Variants in ODAD2 observed in about 807,000 individuals in gnomAD.
ODAD2 encodes the protein outer dynein arm-docking complex subunit 2.
A neutral mutation model predicts 106.8 loss-of-function variants in ODAD2; 89 were observed. The observed-to-expected ratio is 0.83, with a 90% confidence interval of 0.70 to 0.99. The LOEUF (loss-of-function observed/expected upper bound fraction) is 0.99, where lower values mean the gene tolerates loss of function less well. Among genes scored for constraint, ODAD2 ranks in the 50% least tolerant of loss-of-function variants. The pLI is 0.00. For missense variants in ODAD2, 1,168 were observed against 1,238.5 expected (o/e 0.94, Z 0.85); for synonymous variants, 404 against 436.2 (o/e 0.93, Z 0.92).
chr10:27,831,113 C>T (rs575585685), intron 19 of ODAD2, among the ~76,000 whole-genome samples: 105 of 152,260 alleles, frequency 6.9e-4, no homozygotes, highest in African/African-American at 2.5e-3. Flanking sequence ...GCCCAGGAGA[C>T]AGTGCTCCCA....
At chr10:27,953,073 T>A (rs2132727903) in intron 10 of ODAD2, among the ~76,000 whole-genome samples, 1 of 152,306 alleles carries the variant, frequency 6.6e-6, no homozygotes, top group East Asian at 1.9e-4. Context: ...TGCATATAAA[T>A]CCAACACCTG....
intron 17 of ODAD2, among the ~76,000 whole-genome samples, chr10:27,902,276 G>A (rs1049556617): frequency 1.1e-4 from 16 of 152,042 alleles, no homozygotes; most frequent in African/African-American, 2.9e-4. Flanking sequence ...ATGACACAGC[G>A]TACCAGAATC....
At chr10:27,835,029 C>T (rs1376830971) in intron 19 of ODAD2, among the ~76,000 whole-genome samples, 5 of 152,318 alleles carry the variant, frequency 3.3e-5, no homozygotes, top group Middle Eastern at 3.4e-3. Flanking sequence ...CAACCGAAGG[C>T]GCAGGGGTTG....
chr10:27,973,328 T>C (rs749868716), intron 7 of ODAD2, among the ~76,000 whole-genome samples: 3 of 152,158 alleles, frequency 2.0e-5, no homozygotes, highest in Non-Finnish European at 4.4e-5. Flanking sequence ...ACCCCATCTG[T>C]ACCAAAAATA....
chr10:27,995,308 T>C (rs1850494801), intron 1 of ODAD2, 128 bp from the exon 2 acceptor site: 5 of 1,029,924 alleles, frequency 4.9e-6, no homozygotes, highest in Non-Finnish European at 6.8e-6. Context: ...AAGATTCTTT[T>C]AACATTATCT....
chr10:27,839,535 C>G (rs1278875922), intron 19 of ODAD2, among the ~76,000 whole-genome samples: 2 of 152,190 alleles, frequency 1.3e-5, no homozygotes, highest in East Asian at 3.8e-4. Flanking sequence ...TACCGTATAG[C>G]TGACAGTGAC....
rs567975334 is a variant in ODAD2, at chr10:27,986,160, C to T, written c.383-949G>A. 5.3e-5 allele frequency among the ~76,000 whole-genome samples: 8 copies of T among 152,100 alleles called. No homozygotes were observed. In the South Asian group the frequency reaches 1.0e-3, roughly 20 times the overall value. ...ACTTCACTGGGGGAGAGGAGAGCAGCGAAAAGGAGACAAAGGAATCAACCA... is the reference window on the plus strand; with the variant it reads ...ACTTCACTGGGGGAGAGGAGAGCAGTGAAAAGGAGACAAAGGAATCAACCA... On this transcript the variant is annotated intron_variant, in intron 3 of 19. Transcript: ENST00000305242.
intron 12 of ODAD2, among the ~76,000 whole-genome samples, chr10:27,943,604 T>A (rs1419864404): frequency 6.6e-6 from 1 of 151,894 alleles, no homozygotes; most frequent in Non-Finnish European, 1.5e-5. Context: ...CTGACCAATA[T>A]AGTGAAACTC....
intron 16 of ODAD2, among the ~76,000 whole-genome samples, chr10:27,912,118 TG>T (rs1290749898): frequency 6.6e-6 from 1 of 152,226 alleles, no homozygotes; most frequent in Non-Finnish European, 1.5e-5. Flanking sequence ...TACACACTGA[TG>T]GGCTTATAGG....
intron 17 of ODAD2, 41 bp from the exon 18 acceptor site, chr10:27,862,663 C>G (rs1469232854): frequency 1.8e-5 from 27 of 1,487,732 alleles, no homozygotes; most frequent in Non-Finnish European, 2.4e-5. Flanking sequence ...AAAACTAAAC[C>G]TACATTTAGG....
chr10:27,939,970 A>G lies in ODAD2; in HGVS notation c.2024T>C (p.Ile675Thr), dbSNP rs1846271111. The part of the protein sequence containing the change: ...YRAAIKAERI[I>T]ENLVKNLNSE... ...ATTTAGGTTCTTGACAAGGTTTTCAATGATCCTTTCTGCTTTGATTGCAGC... is the reference window on the plus strand; with the variant it reads ...ATTTAGGTTCTTGACAAGGTTTTCAGTGATCCTTTCTGCTTTGATTGCAGC... Residue 675 changes from isoleucine (I) to threonine (T), a missense_variant, in exon 14 of 20, where the codon ATT (isoleucine) becomes ACT (threonine). Physicochemically the swap from Ile to Thr is moderately conservative, Grantham distance 89 (BLOSUM62 -1). Transcript: ENST00000305242. 1 of 1,611,182 alleles carries G rather than the reference A, an allele frequency of 6.2e-7. No individual in the cohort carries two copies. The highest frequency in any genetic ancestry group is 8.5e-7 in the Non-Finnish European group (1 of 1,178,792).
chr10:27,927,934 T>C (rs1369976311), intron 16 of ODAD2, among the ~76,000 whole-genome samples: 2 of 152,136 alleles, frequency 1.3e-5, no homozygotes, highest in African/African-American at 4.8e-5. Flanking sequence ...ATATTCATAA[T>C]ATTATACACC....
At chr10:27,815,696 C>A (rs1347224104) in intron 19 of ODAD2, among the ~76,000 whole-genome samples, 1 of 152,194 alleles carries the variant, frequency 6.6e-6, no homozygotes, top group African/African-American at 2.4e-5. Flanking sequence ...CTGCTTCCCC[C>A]AAACAAAAAT....
intron 19 of ODAD2, among the ~76,000 whole-genome samples, chr10:27,813,044 A>T (rs1264064162): frequency 6.6e-6 from 1 of 152,184 alleles, no homozygotes; most frequent in East Asian, 1.9e-4. Context: ...TATATCAGTC[A>T]CTTAATAGGG....
At chr10:27,819,422 C>G (rs1045634962) in intron 19 of ODAD2, among the ~76,000 whole-genome samples, 2 of 152,008 alleles carry the variant, frequency 1.3e-5, no homozygotes, top group Non-Finnish European at 2.9e-5. Context: ...TGATTGTACT[C>G]TCTATCTTCG....
chr10:27,990,153 C>CT (rs1311529756), intron 2 of ODAD2, among the ~76,000 whole-genome samples: 102 of 147,742 alleles, frequency 6.9e-4, no homozygotes, highest in African/African-American at 2.3e-3. Flanking sequence ...GTTTAGTGTC[C>CT]TTTTTTTTTT....
At chr10:27,910,056 C>G (rs1251141968) in intron 16 of ODAD2, among the ~76,000 whole-genome samples, 1 of 152,014 alleles carries the variant, frequency 6.6e-6, no homozygotes, top group Non-Finnish European at 1.5e-5. Flanking sequence ...TATTTTAGCA[C>G]CCAAATCCCA....
intron 7 of ODAD2, among the ~76,000 whole-genome samples, chr10:27,980,682 T>C (rs1206358916): frequency 1.3e-5 from 2 of 152,120 alleles, no homozygotes; most frequent in Admixed American, 1.3e-4. Context: ...ATAAGAAGCA[T>C]TAACAAGGAT....
chr10:27,940,766 C>T lies in ODAD2; in HGVS notation c.1783G>A (p.Ala595Thr). 1 of 1,614,072 alleles carries T rather than the reference C, an allele frequency of 6.2e-7. No individual in the cohort carries two copies. Among genetic ancestry groups the T allele is most frequent in the Non-Finnish European group, 8.5e-7 (1 of 1,179,984 alleles). Residue 595 changes from alanine (A) to threonine (T), a missense_variant, in exon 13 of 20, where the codon GCC becomes ACC. Transcript: ENST00000305242. ...LDCAHDSTKP[A>T]QSSLYEARDV... Reference sequence around the variant, plus strand: ...CTGGCCTCATACAGACTCGATTGGGCAGGTTTTGTGGAATCATGTGCACAG... The same window carrying T: ...CTGGCCTCATACAGACTCGATTGGGTAGGTTTTGTGGAATCATGTGCACAG...
Sources: allele counts gnomAD v4.1 joint callset (sites outside exome capture counted in the v4.1 genomes callset), GRCh38; gene constraint gnomAD v4.1.1; transcripts MANE v1.5; gene names NCBI Gene and HGNC (gene_info 2026-07-23, HGNC 2026-07-21).